Variants in ADAR observed in about 807,000 individuals in gnomAD.
ADAR encodes adenosine deaminase RNA specific, also known as double-stranded RNA-specific adenosine deaminase.
A neutral mutation model predicts 113.2 loss-of-function variants in ADAR; 41 were observed. The observed-to-expected ratio is 0.36, with a 90% CI of 0.28 to 0.47. The LOEUF is 0.47. Ranked by LOEUF, ADAR falls within the 20% of genes least tolerant of loss-of-function variation. The pLI is 1.00. For synonymous variants in ADAR, 605 were observed against 572.6 expected (o/e 1.06, Z -0.81); for missense variants, 1,242 against 1,540.9 (o/e 0.81, Z 3.25).
At chr1:154,620,788 G>A (rs191998667) in intron 1 of ADAR, among the ~76,000 whole-genome samples, 223 of 152,250 alleles carry the variant, frequency 1.5e-3, no homozygotes, top group Non-Finnish European at 2.6e-3. Flanking sequence ...TTCTTGATTT[G>A]GATAGTTAAA....
intron 1 of ADAR, among the ~76,000 whole-genome samples, chr1:154,624,675 T>G (rs1469459449): frequency 6.6e-6 from 1 of 152,214 alleles, no homozygotes; most frequent in African/African-American, 2.4e-5. Flanking sequence ...TTTTGAACTC[T>G]TTATCCCTGA....
chr1:154,607,932 G>A, intron 1 of ADAR, 60 bp downstream of exon 1: 1 of 1,608,576 alleles, frequency 6.2e-7, no homozygotes, highest in East Asian at 2.2e-5. Context: ...GCAACACAAA[G>A]CCTGTGAGGT....
At chr1:154,610,929 C>T (rs1173178214), upstream of ADAR, among the ~76,000 whole-genome samples, 1 of 150,148 alleles carries the variant, frequency 6.7e-6, no homozygotes, top group Non-Finnish European at 1.5e-5. Flanking sequence ...TGTTCTAGCT[C>T]TTGACTTGGG....
chr1:154,599,955 G>T (rs920335727), intron 2 of ADAR, among the ~76,000 whole-genome samples: 2 of 152,182 alleles, frequency 1.3e-5, no homozygotes, highest in East Asian at 3.9e-4. Context: ...GCTATGCAGA[G>T]GGGGGATTGT....
At chr1:154,625,803 G>A (rs1217463610) in intron 1 of ADAR, among the ~76,000 whole-genome samples, 1 of 152,228 alleles carries the variant, frequency 6.6e-6, no homozygotes, top group Non-Finnish European at 1.5e-5. Flanking sequence ...TCAGGAGTTC[G>A]AGACCAGCCT....
At chr1:154,596,452 C>A (rs915581535) in intron 6 of ADAR, among the ~76,000 whole-genome samples, 3 of 152,122 alleles carry the variant, frequency 2.0e-5, no homozygotes, top group Non-Finnish European at 4.4e-5. Flanking sequence ...TATGGTCCGG[C>A]TGGTCTTGAA....
chr1:154,610,942 G>A (rs189418938), upstream of ADAR, among the ~76,000 whole-genome samples: 34 of 151,862 alleles, frequency 2.2e-4, no homozygotes, highest in African/African-American at 7.5e-4. Context: ...GACTTGGGTA[G>A]TGGCTACATA....
chr1:154,589,701 A>T, intron 8 of ADAR, 56 bp downstream of exon 8: 1 of 1,605,884 alleles, frequency 6.2e-7, no homozygotes, highest in Non-Finnish European at 8.5e-7. Context: ...GGGGAGGATG[A>T]GAGGCACCCG....
rs1696544493 is a variant in ADAR, at chr1:154,583,509, G to C, written c.*1297C>G. On this transcript the variant is annotated 3_prime_UTR_variant, in exon 15 of 15. Coordinates refer to ENST00000368474, the MANE Select transcript of ADAR (RefSeq NM_001111.5). ...TAGACAAAGGATTCTACCTCACAGAGTTTGAAGACAACCTGCCCTTTCACC... is the reference window on the plus strand; with the variant it reads ...TAGACAAAGGATTCTACCTCACAGACTTTGAAGACAACCTGCCCTTTCACC... The C allele has an allele frequency of 6.6e-6, 1 of 152,230 alleles. No individual in the cohort carries two copies. The highest frequency in any genetic ancestry group is 1.5e-5 in the Non-Finnish European group (1 of 68,066). 9.4% of individuals were successfully genotyped at this position (152,230 alleles called of 1,614,324 possible). A position where few individuals can be genotyped will look rare whatever the true frequency, so the allele number is the denominator to read the frequency against.
upstream of ADAR, among the ~76,000 whole-genome samples, chr1:154,609,343 C>T (rs1311108225): frequency 2.0e-5 from 3 of 152,242 alleles, no homozygotes; most frequent in Admixed American, 6.5e-5. Flanking sequence ...TCAACACCAT[C>T]CTCACCTGTG....
At chr1:154,607,852 G>A (rs1698302510) in intron 1 of ADAR, 140 bp downstream of exon 1, 1 of 1,361,982 alleles carries the variant, frequency 7.3e-7, no homozygotes, top group East Asian at 2.6e-5. Flanking sequence ...TCCTAAACCA[G>A]CAATGCTGCT....
intron 1 of ADAR, among the ~76,000 whole-genome samples, chr1:154,624,035 A>G (rs1318785801): frequency 2.0e-5 from 3 of 152,014 alleles, no homozygotes; most frequent in Non-Finnish European, 4.4e-5. Context: ...AAGAAAAAGA[A>G]AGCAGCAAGA....
At chr1:154,606,398 T>C (rs61261171) in intron 1 of ADAR, among the ~76,000 whole-genome samples, 2,351 of 152,304 alleles carry the variant, frequency 0.015, 66 homozygotes, top group African/African-American at 0.054. Flanking sequence ...TTAGGAATCA[T>C]ATAATGTTCA....
chr1:154,591,041 G>A (rs998698734), intron 6 of ADAR, among the ~76,000 whole-genome samples: 1 of 152,092 alleles, frequency 6.6e-6, no homozygotes, highest in African/African-American at 2.4e-5. Context: ...CACTGAAATA[G>A]GAAACTTTGT....
chr1:154,590,134 T>TCGGCGGG, intron 7 of ADAR, 50 bp downstream of exon 7: 1 of 1,447,036 alleles, frequency 6.9e-7, no homozygotes, highest in Non-Finnish European at 9.6e-7. Flanking sequence ...ACTTAGGAGT[T>TCGGCGGG]AGGAGGACCC....
Position 154,585,875 on chromosome 1 carries a change from A to C in ADAR, c.3203-10T>G. ...TGGCTGAAAAGGTAACCTGAGTACA[A>C]AAAAGAGAAACATATATACCTGTGT... On this transcript the variant is annotated splice_polypyrimidine_tract_variant and intron_variant, in intron 12 of 14. Transcript: ENST00000368474. 1 of 1,609,816 alleles carries C rather than the reference A, an allele frequency of 6.2e-7. No individual in the cohort carries two copies. The highest frequency in any genetic ancestry group is 2.2e-5 in the East Asian group (1 of 44,864).
chr1:154,627,913 G>GGCCCCCCCCCCCCCCCCCCCCCCCCCC, exon 1 of ADAR: 1 of 517,162 alleles, frequency 1.9e-6, no homozygotes, highest in South Asian at 1.4e-5. Context: ...GTGCGGCCGC[G>GGCCCCCCCCCCCCCCCCCCCCCCCCCC]ACCCTCCCCC....
Position 154,601,017 on chromosome 1 carries a change from T to C in ADAR, c.1601+24A>G. 6.2e-7 allele frequency: 1 copy of C among 1,613,792 alleles called. No individual in the cohort carries two copies. Among genetic ancestry groups the C allele is most frequent in the Non-Finnish European group, 8.5e-7 (1 of 1,180,026 alleles). On this transcript the variant is annotated intron_variant, in intron 2 of 14. Transcript: ENST00000368474. This position sits in a 1 kb window ranked among gnomAD's most constrained non-coding sequence, Gnocchi z 4.7. ...AAAAGCACCTGACCCCAACCCTAGG[T>C]ACAGTTCCTGGGTGGTCTCTTACCG...
At chr1:154,604,533 T>C (rs896902834) in intron 1 of ADAR, among the ~76,000 whole-genome samples, 4 of 152,178 alleles carry the variant, frequency 2.6e-5, no homozygotes, top group Non-Finnish European at 5.9e-5. Context: ...TGAACCTCAT[T>C]TGGGTCTTCG....
Sources: gnomAD v4.1 joint callset for allele counts (sites outside exome capture counted in the v4.1 genomes callset) on GRCh38, gnomAD v4.1.1 for gene constraint, Gnocchi (gnomAD v3.1) non-coding constraint, MANE v1.5 for transcripts, NCBI Gene and HGNC (gene_info 2026-07-23, HGNC 2026-07-21) for gene names.